Variants in CD8B2 observed in about 807,000 individuals in gnomAD.
The protein encoded by CD8B2 is T-cell surface glycoprotein CD8 beta-2 chain.
Under a neutral mutation model 23.7 loss-of-function variants are expected in CD8B2, and 11 were observed. That is an observed-to-expected ratio of 0.46 (90% CI 0.29 to 0.77). The LOEUF (loss-of-function observed/expected upper bound fraction) is 0.77. CD8B2 is among the 30% of genes least tolerant of loss of function. The probability of loss-of-function intolerance (pLI) is 0.09; values close to 1 mark genes in which losing one functional copy is unlikely to be tolerated. For synonymous variants in CD8B2, 90 were observed against 109.3 expected (o/e 0.82, Z 1.10); for missense variants, 197 against 270.5 (o/e 0.73, Z 1.91).
intron 5 of CD8B2, among the ~76,000 whole-genome samples, chr2:106,526,984 AT>A (rs559011388): frequency 6.6e-6 from 1 of 152,150 alleles, no homozygotes; most frequent in Non-Finnish European, 1.5e-5. Context: ...ATTGATGGAC[AT>A]TTGGATTATG....
chr2:106,524,011 G>C (rs1302310845), intron 5 of CD8B2, among the ~76,000 whole-genome samples: 1 of 152,148 alleles, frequency 6.6e-6, no homozygotes, highest in African/African-American at 2.4e-5. Context: ...GTAAATATCA[G>C]TTCTCTTAGA....
chr2:106,542,283 C>A (rs76810170), intron 5 of CD8B2, among the ~76,000 whole-genome samples: 3 of 152,270 alleles, frequency 2.0e-5, no homozygotes, highest in Non-Finnish European at 4.4e-5. Context: ...GGGCTCACTG[C>A]GGGCAGTAAC....
intron 5 of CD8B2, among the ~76,000 whole-genome samples, chr2:106,505,523 T>G (rs375643127): frequency 6.6e-6 from 1 of 152,178 alleles, no homozygotes; most frequent in East Asian, 1.9e-4. Flanking sequence ...CCAGGACCCC[T>G]GAGTCAGAGC....
At chr2:106,501,749 A>C (rs1191474615) in intron 3 of CD8B2, among the ~76,000 whole-genome samples, 1 of 152,334 alleles carries the variant, frequency 6.6e-6, no homozygotes, top group East Asian at 1.9e-4. Context: ...GCATGGAAAG[A>C]GAAAGTTACT....
At chr2:106,520,291 G>A (rs1269248560) in intron 5 of CD8B2, among the ~76,000 whole-genome samples, 6 of 152,278 alleles carry the variant, frequency 3.9e-5, no homozygotes, top group African/African-American at 9.6e-5. Flanking sequence ...AAAGGAATCC[G>A]CTGATGGAGA....
chr2:106,511,307 T>C (rs1679626615), downstream of CD8B2, among the ~76,000 whole-genome samples: 1 of 152,196 alleles, frequency 6.6e-6, no homozygotes, highest in African/African-American at 2.4e-5. Context: ...GCTGGGCTCG[T>C]GGCAGGGGTG....
chr2:106,537,170 G>A (rs116105478), intron 5 of CD8B2, among the ~76,000 whole-genome samples: 51 of 152,198 alleles, frequency 3.4e-4, no homozygotes, highest in African/African-American at 1.2e-3. Context: ...CTCATGCTCT[G>A]GGCTTCCCCC....
downstream of CD8B2, among the ~76,000 whole-genome samples, chr2:106,515,829 C>CTAT (rs759009406): frequency 6.7e-6 from 1 of 149,252 alleles, no homozygotes; most frequent in Middle Eastern, 3.2e-3. Flanking sequence ...TTAGACTCCT[C>CTAT]TTTTTTTTTT....
At chr2:106,521,033 AGAG>A in intron 5 of CD8B2, among the ~76,000 whole-genome samples, 1 of 150,204 alleles carries the variant, frequency 6.7e-6, no homozygotes, top group Non-Finnish European at 1.5e-5. Context: ...GGAGAGAGAG[AGAG>A]AGAGAGAGAG....
intron 5 of CD8B2, among the ~76,000 whole-genome samples, chr2:106,528,813 A>T (rs140993854): frequency 1.3e-5 from 2 of 152,338 alleles, no homozygotes; most frequent in East Asian, 3.9e-4. Flanking sequence ...TTCCAATTTC[A>T]TTTAGGTTCC....
Position 106,507,150 on chromosome 2 carries a change from T to G in CD8B2, c.*210T>G. The G allele has an allele frequency of 7.1e-7, 1 of 1,413,616 alleles. No homozygotes were observed. Among genetic ancestry groups the G allele is most frequent in the Non-Finnish European group, 9.3e-7 (1 of 1,080,222 alleles). 87.6% of individuals were successfully genotyped at this position (1,413,616 alleles called of 1,614,324 possible). Reference sequence around the variant, plus strand: ...TCATCGGGAATACTAGGGAGAAGGTTTCATTGCCCCCAGGGCACTTCACAG... The same window carrying G: ...TCATCGGGAATACTAGGGAGAAGGTGTCATTGCCCCCAGGGCACTTCACAG... On this transcript the variant is annotated 3_prime_UTR_variant, in exon 6 of 6. Coordinates refer to ENST00000643224, the MANE Select transcript of CD8B2 (RefSeq NM_001349727.2).
At chr2:106,490,651 G>A (rs1208700572) in intron 1 of CD8B2, among the ~76,000 whole-genome samples, 4 of 152,358 alleles carry the variant, frequency 2.6e-5, no homozygotes, top group African/African-American at 9.6e-5. Context: ...CCTTTGTAAA[G>A]CTGAACTTAG....
intron 5 of CD8B2, among the ~76,000 whole-genome samples, chr2:106,542,674 G>A (rs1285687649): frequency 6.8e-6 from 1 of 147,038 alleles, no homozygotes; most frequent in Non-Finnish European, 1.5e-5. Flanking sequence ...TATATATGAA[G>A]TATATATTAT....
chr2:106,514,573 C>T (rs557499624), downstream of CD8B2, among the ~76,000 whole-genome samples: 26 of 151,914 alleles, frequency 1.7e-4, no homozygotes, highest in African/African-American at 5.8e-4. Flanking sequence ...AGGCGTGAGC[C>T]ACTGTGCCCG....
chr2:106,535,507 T>C (rs906044799), intron 5 of CD8B2: 1 of 152,126 alleles, frequency 6.6e-6, no homozygotes, highest in African/African-American at 2.4e-5. Context: ...AGCTTTTACA[T>C]ACTTTTTAAT....
At chr2:106,505,186 TC>T (rs1679481535) in intron 5 of CD8B2, among the ~76,000 whole-genome samples, 1 of 152,204 alleles carries the variant, frequency 6.6e-6, no homozygotes, top group Non-Finnish European at 1.5e-5. Context: ...TGATTTTTGT[TC>T]CTCAAAACAG....
exon 6 of CD8B2, chr2:106,544,271 G>T (rs924280698): frequency 5.2e-6 from 2 of 387,152 alleles, no homozygotes; most frequent in African/African-American, 4.1e-5. Context: ...GGAAGCAGTT[G>T]CAGAAATAAA....
intron 5 of CD8B2, among the ~76,000 whole-genome samples, chr2:106,519,837 G>T (rs1679795415): frequency 6.6e-6 from 1 of 152,236 alleles, no homozygotes; most frequent in Non-Finnish European, 1.5e-5. Context: ...TTACAAATTT[G>T]TGTTGGGCCA....
At chr2:106,495,213 T>C (rs921086065) in intron 2 of CD8B2, among the ~76,000 whole-genome samples, 1 of 152,090 alleles carries the variant, frequency 6.6e-6, no homozygotes, top group Non-Finnish European at 1.5e-5. Context: ...CTATGACTTG[T>C]CCCAAGTCAT....
Sources: gnomAD v4.1 joint callset for allele counts (sites outside exome capture counted in the v4.1 genomes callset) on GRCh38, gnomAD v4.1.1 for gene constraint, MANE v1.5 for transcripts, NCBI Gene and HGNC (gene_info 2026-07-23, HGNC 2026-07-21) for gene names.